Variants in IL1R1 observed in about 807,000 individuals in gnomAD.
IL1R1 encodes interleukin 1 receptor type 1.
In IL1R1, 22 loss-of-function variants were observed where a neutral mutation model predicts 50.2. The ratio of observed to expected loss-of-function variants is 0.44; its 90% confidence interval spans 0.31 to 0.63. IL1R1 has a LOEUF of 0.63. Among genes scored for constraint, IL1R1 ranks in the 20% least tolerant of loss-of-function variants. The probability of loss-of-function intolerance (pLI) is 0.07; values close to 1 mark genes in which losing one functional copy is unlikely to be tolerated. For missense variants in IL1R1, 509 were observed against 676.2 expected (o/e 0.75, Z 2.74); for synonymous variants, 251 against 236.7 (o/e 1.06, Z -0.55).
chr2:102,101,168 G>C (rs1192598204), upstream of IL1R1, among the ~76,000 whole-genome samples: 2 of 152,196 alleles, frequency 1.3e-5, no homozygotes, highest in African/African-American at 4.8e-5. Context: ...CTAATGTTCT[G>C]CATTTCCATC....
upstream of IL1R1, among the ~76,000 whole-genome samples, chr2:102,100,324 C>T (rs1407802205): frequency 6.6e-6 from 1 of 152,142 alleles, no homozygotes; most frequent in Non-Finnish European, 1.5e-5. Context: ...GCCTGGCTGC[C>T]TCTTTTCTGG....
chr2:102,089,673 C>T (rs940732195), intron 1 of IL1R1, among the ~76,000 whole-genome samples: 6 of 152,032 alleles, frequency 3.9e-5, no homozygotes, highest in Non-Finnish European at 8.8e-5. Context: ...CTGTTTGTAC[C>T]TCGTTGTCTT....
intron 1 of IL1R1, among the ~76,000 whole-genome samples, chr2:102,073,944 C>T (rs1025780412): frequency 6.6e-6 from 1 of 152,148 alleles, no homozygotes; most frequent in African/African-American, 2.4e-5. Flanking sequence ...GAGGAGCAAA[C>T]AGGTCGAGGG....
upstream of IL1R1, among the ~76,000 whole-genome samples, chr2:102,103,892 G>A (rs1165626783): frequency 1.3e-5 from 2 of 150,568 alleles, no homozygotes; most frequent in Admixed American, 1.3e-4. Flanking sequence ...TACTCGGGCT[G>A]AGGCACGAGA....
intron 1 of IL1R1, among the ~76,000 whole-genome samples, chr2:102,127,878 C>A (rs13392285): frequency 0.18 from 27,826 of 152,016 alleles, 2,683 homozygotes; most frequent in South Asian, 0.2. Flanking sequence ...TGAAGAGAAA[C>A]AAAACCACTT....
chr2:102,101,506 A>G (rs1680141375), upstream of IL1R1, among the ~76,000 whole-genome samples: 1 of 152,138 alleles, frequency 6.6e-6, no homozygotes, highest in Admixed American at 6.5e-5. Flanking sequence ...ACACACATAC[A>G]CACATGCTCA....
intron 1 of IL1R1, among the ~76,000 whole-genome samples, chr2:102,136,535 C>T (rs1482095219): frequency 6.6e-6 from 1 of 152,086 alleles, no homozygotes; most frequent in Non-Finnish European, 1.5e-5. Context: ...CACCACCATG[C>T]CAAGCTAATT....
intron 1 of IL1R1, among the ~76,000 whole-genome samples, chr2:102,124,021 C>G (rs566097442): frequency 2.9e-4 from 44 of 152,104 alleles, no homozygotes; most frequent in African/African-American, 9.9e-4. Context: ...AAGTAAAGTA[C>G]TCACACACTA....
intron 1 of IL1R1, among the ~76,000 whole-genome samples, chr2:102,131,161 G>T (rs1246784229): frequency 1.3e-5 from 2 of 152,196 alleles, no homozygotes; most frequent in Non-Finnish European, 2.9e-5. Context: ...GGACTCAGAA[G>T]CATCAAGCTT....
At chr2:102,166,337 G>A in intron 6 of IL1R1, 56 bp downstream of exon 6, 1 of 1,304,686 alleles carries the variant, frequency 7.7e-7, no homozygotes, top group Non-Finnish European at 1.1e-6. Flanking sequence ...CAGAGACTGT[G>A]ATTCTAATAC....
intron 1 of IL1R1, among the ~76,000 whole-genome samples, chr2:102,136,317 C>T (rs868606896): frequency 4.0e-5 from 6 of 151,670 alleles, no homozygotes; most frequent in East Asian, 1.9e-4. Context: ...CCCCTGGGCC[C>T]GAGGCAGAGA....
chr2:102,099,008 A>C (rs1680021191), intron 1 of IL1R1, among the ~76,000 whole-genome samples: 1 of 152,226 alleles, frequency 6.6e-6, no homozygotes, highest in South Asian at 2.1e-4. Flanking sequence ...AATGAATACC[A>C]GTAAGACATC....
chr2:102,158,138 GA>G (rs1172090694), intron 3 of IL1R1, among the ~76,000 whole-genome samples: 2 of 152,212 alleles, frequency 1.3e-5, no homozygotes, highest in Non-Finnish European at 2.9e-5. Flanking sequence ...ATTTGGAGGA[GA>G]TATTATGTAT....
intron 1 of IL1R1, among the ~76,000 whole-genome samples, chr2:102,089,916 C>T (rs1386689063): frequency 1.3e-5 from 2 of 150,374 alleles, no homozygotes; most frequent in African/African-American, 4.9e-5. Context: ...TCACTGCAAG[C>T]TCCACCTCCC....
At chr2:102,138,104 A>T (rs889790675), upstream of IL1R1, among the ~76,000 whole-genome samples, 18 of 152,322 alleles carry the variant, frequency 1.2e-4, no homozygotes, top group Middle Eastern at 3.4e-3. Flanking sequence ...CACTTCTTGG[A>T]TGATGGGAAG....
At chr2:102,081,100 T>A (rs1315619449) in intron 1 of IL1R1, among the ~76,000 whole-genome samples, 3 of 152,118 alleles carry the variant, frequency 2.0e-5, no homozygotes, top group Non-Finnish European at 4.4e-5. Context: ...GAAGTTTCTT[T>A]TGGGGGTGAT....
At chr2:102,089,422 G>A (rs1577815421) in intron 1 of IL1R1, among the ~76,000 whole-genome samples, 2 of 152,086 alleles carry the variant, frequency 1.3e-5, no homozygotes, top group Non-Finnish European at 1.5e-5. Flanking sequence ...AAACAATTAC[G>A]ATAGTAACAT....
chr2:102,144,254 A>G (rs1171533503), intron 1 of IL1R1, among the ~76,000 whole-genome samples: 3 of 152,216 alleles, frequency 2.0e-5, no homozygotes, highest in Admixed American at 6.5e-5. Context: ...TTGCTGGGGC[A>G]GGGGTGTGGA....
chr2:102,081,220 C>A (rs1380311786), intron 1 of IL1R1, among the ~76,000 whole-genome samples: 2 of 152,140 alleles, frequency 1.3e-5, no homozygotes, highest in African/African-American at 4.8e-5. Flanking sequence ...GTGTGAATGA[C>A]ATCTCAATAA....
Sources: gnomAD v4.1 joint callset for allele counts (sites outside exome capture counted in the v4.1 genomes callset) on GRCh38, gnomAD v4.1.1 for gene constraint, MANE v1.5 for transcripts, NCBI Gene and HGNC (gene_info 2026-07-23, HGNC 2026-07-21) for gene names.